PRKCQ: variants seen among roughly 807,000 people sequenced by gnomAD.
PRKCQ encodes the protein protein kinase C theta.
PRKCQ carries 41 observed loss-of-function variants against 91.2 expected under a neutral mutation model. The observed-to-expected ratio is 0.45, with a 90% CI of 0.35 to 0.58. The LOEUF is 0.58. PRKCQ is among the 20% of genes least tolerant of loss of function. The pLI is 0.00. For synonymous variants in PRKCQ, 307 were observed against 316.9 expected (o/e 0.97, Z 0.33); for missense variants, 673 against 896.5 (o/e 0.75, Z 3.18).
intron 1 of PRKCQ, among the ~76,000 whole-genome samples, chr10:6,541,694 C>CT (rs376482108): frequency 1.9e-4 from 29 of 152,068 alleles, no homozygotes; most frequent in Non-Finnish European, 2.6e-4. Flanking sequence ...TACTTTTTAT[C>CT]TTTTTTTTAA....
the PRKCQ span, among the ~76,000 whole-genome samples, chr10:6,404,436 C>G: frequency 7.6e-6 from 1 of 132,230 alleles, no homozygotes. Context: ...TTCTTTCTCT[C>G]TTTCTTTCTC....
In PRKCQ at chr10:6,515,025, G is replaced by A; in HGVS notation, c.111C>T (p.Val37=). 3.1e-5 allele frequency: 50 copies of A among 1,613,208 alleles called. No homozygotes were observed. The highest frequency in any genetic ancestry group is 4.2e-5 in the Non-Finnish European group (49 of 1,179,892). ...AAATCCCCTCAAGCTTACCTGATTC[G>A]ACATACTCTTTGACGAGCACAGCAC... ...PYCAVLVKEY[V]ESENGQMYIQ... Residue 37 remains valine, a synonymous_variant, in exon 2 of 18, where the codon GTC becomes GTT. Transcript: ENST00000263125.
At chr10:6,509,713 G>T (rs914696722) in intron 3 of PRKCQ, among the ~76,000 whole-genome samples, 1 of 152,072 alleles carries the variant, frequency 6.6e-6, no homozygotes, top group African/African-American at 2.4e-5. Flanking sequence ...CCGGCCCCAG[G>T]AACCCTTTTC....
chr10:6,534,226 A>C (rs1284498466), intron 1 of PRKCQ, among the ~76,000 whole-genome samples: 1 of 152,232 alleles, frequency 6.6e-6, no homozygotes, highest in African/African-American at 2.4e-5. Context: ...AAAGATAGGT[A>C]AATCATCCAG....
At chr10:6,453,074 G>A (rs1402284766) in intron 15 of PRKCQ, among the ~76,000 whole-genome samples, 1 of 151,738 alleles carries the variant, frequency 6.6e-6, no homozygotes, top group Non-Finnish European at 1.5e-5. Flanking sequence ...TTGACAAATG[G>A]GATCTAATTC....
At chr10:6,466,224 T>A (rs7084692) in intron 12 of PRKCQ, among the ~76,000 whole-genome samples, 1,641 of 152,336 alleles carry the variant, frequency 0.011, 26 homozygotes, top group African/African-American at 0.038. Flanking sequence ...AATTTAACAC[T>A]GTCAATTTAG....
At chr10:6,494,789 A>G (rs1205640348) in intron 7 of PRKCQ, among the ~76,000 whole-genome samples, 2 of 152,174 alleles carry the variant, frequency 1.3e-5, no homozygotes, top group Non-Finnish European at 2.9e-5. Flanking sequence ...AAATCTACCT[A>G]TATGATGGTC....
intron 14 of PRKCQ, among the ~76,000 whole-genome samples, chr10:6,458,115 T>C (rs539506182): frequency 4.6e-5 from 7 of 152,200 alleles, no homozygotes; most frequent in Non-Finnish European, 1.0e-4. Context: ...TTAAAATTTT[T>C]TGTAGAGACA....
intron 12 of PRKCQ, among the ~76,000 whole-genome samples, chr10:6,470,455 A>G (rs1172512253): frequency 6.6e-6 from 1 of 152,174 alleles, no homozygotes; most frequent in Non-Finnish European, 1.5e-5. Context: ...CTCAAATACA[A>G]CGTAATGTTG....
At chr10:6,408,845 C>T in the PRKCQ span, among the ~76,000 whole-genome samples, 2 of 152,310 alleles carry the variant, frequency 1.3e-5, no homozygotes, top group Admixed American at 1.3e-4. Flanking sequence ...TGCTGCTCTC[C>T]ATATTCTTAC....
chr10:6,496,247 A>G (rs1180509945), intron 7 of PRKCQ, among the ~76,000 whole-genome samples: 1 of 151,656 alleles, frequency 6.6e-6, no homozygotes, highest in East Asian at 1.9e-4. Flanking sequence ...AAAAATTGAA[A>G]AAAGAAATCT....
At chr10:6,492,956 G>A (rs1369918790) in intron 7 of PRKCQ, among the ~76,000 whole-genome samples, 2 of 152,018 alleles carry the variant, frequency 1.3e-5, no homozygotes, top group African/African-American at 4.8e-5. Context: ...GTGTAGAATC[G>A]ATTAAAAATT....
the PRKCQ span, among the ~76,000 whole-genome samples, chr10:6,401,922 C>T: frequency 6.6e-6 from 1 of 152,188 alleles, no homozygotes; most frequent in African/African-American, 2.4e-5. Flanking sequence ...GTTCCTGAGT[C>T]CTCAGCTCAG....
intron 2 of PRKCQ, among the ~76,000 whole-genome samples, chr10:6,511,708 G>A (rs111549866): frequency 6.6e-6 from 1 of 152,310 alleles, no homozygotes; most frequent in African/African-American, 2.4e-5. Flanking sequence ...TGAACCAGGG[G>A]CCTGGCGCTT....
At chr10:6,439,218 T>C (rs1042506453) in intron 16 of PRKCQ, among the ~76,000 whole-genome samples, 1 of 152,184 alleles carries the variant, frequency 6.6e-6, no homozygotes, top group Non-Finnish European at 1.5e-5. Context: ...CCACCTGTAA[T>C]ACTGTGCCTG....
rs113604467 is a variant in PRKCQ at position 6,441,633 on chromosome 10, G to A, written c.1836+260C>T. Among the ~76,000 whole-genome samples the A allele has an allele frequency of 4.1e-4, 62 of 152,216 alleles. 2 individuals carry two copies. The highest frequency in any genetic ancestry group is 1.4e-3 in the African/African-American group (59 of 41,536). ...GAACCAACTACATCTCCAGGTGAGC[G>A]TATTCAAGGTCATGGAACTGGTTCC... On this transcript the variant is annotated intron_variant, in intron 16 of 17. Transcript: ENST00000263125.
rs1833197730 is a variant in PRKCQ, at chr10:6,427,913, G to C, written c.*294C>G. On this transcript the variant is annotated 3_prime_UTR_variant, in exon 18 of 18. Transcript: ENST00000263125. ...ATAATTTATTGCAGTATCAAGTCTT[G>C]AAACCTTTCCAAGTGCGGAGACCCA... 1 of 355,048 alleles carries C rather than the reference G, an allele frequency of 2.8e-6. No homozygotes were observed. The highest frequency in any genetic ancestry group is 5.2e-6 in the Non-Finnish European group (1 of 190,990). 22.0% of individuals were successfully genotyped at this position (355,048 alleles called of 1,614,324 possible). A position where few individuals can be genotyped will look rare whatever the true frequency, so the allele number is the denominator to read the frequency against.
chr10:6,449,273 C>T (rs979451556), intron 15 of PRKCQ, among the ~76,000 whole-genome samples: 2 of 149,286 alleles, frequency 1.3e-5, no homozygotes, highest in African/African-American at 5.0e-5. Flanking sequence ...GGCTCGAGAA[C>T]TACATGAAGA....
intron 4 of PRKCQ, among the ~76,000 whole-genome samples, chr10:6,500,483 A>G (rs1020556563): frequency 6.6e-6 from 1 of 151,444 alleles, no homozygotes; most frequent in Non-Finnish European, 1.5e-5. Flanking sequence ...ATATAGTTAT[A>G]TACACAATTT....
Sources: allele counts gnomAD v4.1 joint callset (sites outside exome capture counted in the v4.1 genomes callset), GRCh38; gene constraint gnomAD v4.1.1; transcripts MANE v1.5; gene names NCBI Gene and HGNC (gene_info 2026-07-23, HGNC 2026-07-21).